ARHGAP10: variants seen among roughly 807,000 people sequenced by gnomAD.
ARHGAP10 encodes rho GTPase-activating protein 10.
In ARHGAP10, 87 loss-of-function variants were observed where a neutral mutation model predicts 108.6. The ratio of observed to expected loss-of-function variants is 0.80; its 90% CI spans 0.67 to 0.96. The LOEUF (loss-of-function observed/expected upper bound fraction) is 0.96, where lower values mean the gene tolerates loss of function less well. ARHGAP10 is among the 40% of genes least tolerant of loss of function. The pLI, the probability that ARHGAP10 is intolerant of heterozygous loss-of-function variation, is 0.00. For missense variants in ARHGAP10, 939 were observed against 954.5 expected, an observed-to-expected ratio of 0.98 and a Z score of 0.21; for synonymous variants, 347 against 341.1, an observed-to-expected ratio of 1.02 and a Z score of -0.19.
At chr4:147,820,398 G>A (rs1732435773) in intron 1 of ARHGAP10, among the ~76,000 whole-genome samples, 2 of 151,992 alleles carry the variant, frequency 1.3e-5, no homozygotes, top group Non-Finnish European at 2.9e-5. Context: ...CGATTCTCCT[G>A]CCTCAGCCTC....
chr4:148,059,340 T>G (rs911014448), intron 20 of ARHGAP10, among the ~76,000 whole-genome samples: 1 of 152,178 alleles, frequency 6.6e-6, no homozygotes. Context: ...AGGAAACTTG[T>G]GGCACTTAGG....
At chr4:147,782,551 C>T (rs1216405578) in intron 1 of ARHGAP10, 1 of 151,952 alleles carries the variant, frequency 6.6e-6, no homozygotes, top group Non-Finnish European at 1.5e-5. Flanking sequence ...GGTCAAATGA[C>T]CTGAAGGTGT....
chr4:147,873,599 G>T (rs780310149), intron 7 of ARHGAP10, among the ~76,000 whole-genome samples: 7 of 151,474 alleles, frequency 4.6e-5, no homozygotes, highest in Non-Finnish European at 8.8e-5. Flanking sequence ...GCTGAAGCGG[G>T]TAGATTGCTT....
chr4:148,029,093 T>A (rs1326266184), intron 19 of ARHGAP10, among the ~76,000 whole-genome samples: 1 of 152,214 alleles, frequency 6.6e-6, no homozygotes, highest in African/African-American at 2.4e-5. Context: ...AATGTCTTGG[T>A]ATAAATAGTG....
At chr4:148,019,480 G>C (rs1273470629) in intron 18 of ARHGAP10, among the ~76,000 whole-genome samples, 1 of 152,140 alleles carries the variant, frequency 6.6e-6, no homozygotes, top group African/African-American at 2.4e-5. Flanking sequence ...GCATGGGCAT[G>C]GTGGCTCACA....
At chr4:147,983,184 T>C (rs1297947370) in intron 18 of ARHGAP10, among the ~76,000 whole-genome samples, 5 of 94,632 alleles carry the variant, frequency 5.3e-5, no homozygotes, top group African/African-American at 1.6e-4. Context: ...GCCTGGCTGC[T>C]TTGTTTTTTT....
intron 18 of ARHGAP10, among the ~76,000 whole-genome samples, chr4:148,004,516 A>AT (rs1335155096): frequency 6.6e-6 from 1 of 152,158 alleles, no homozygotes; most frequent in Non-Finnish European, 1.5e-5. Flanking sequence ...ATTATATAAG[A>AT]TTGTCTTAGA....
In ARHGAP10 at chr4:147,873,459, T is replaced by G. The variant is rs545988196; in HGVS notation, c.703-1562T>G. On this transcript the variant is annotated intron_variant, in intron 7 of 22. Coordinates refer to ENST00000336498, the MANE Select transcript of ARHGAP10 (RefSeq NM_024605.4). ...ATACACACATGGGGGGAAATGAGGG[T>G]TGATGAGGGTTGGAAGGAATCTCAG... is the stretch of plus-strand genomic sequence containing the variant. Among the ~76,000 whole-genome samples, 8 of 150,364 alleles carry G rather than the reference T, an allele frequency of 5.3e-5. No individual in the cohort carries two copies. The East Asian group carries it at 1.6e-3, about 30-fold the overall frequency.
At chr4:147,835,923 C>T (rs947552242) in intron 3 of ARHGAP10, among the ~76,000 whole-genome samples, 12 of 152,168 alleles carry the variant, frequency 7.9e-5, no homozygotes, top group African/African-American at 2.9e-4. Context: ...GTCCCTTATG[C>T]ACAGAGGGAA....
At chr4:148,015,212 A>C (rs572830022) in intron 18 of ARHGAP10, among the ~76,000 whole-genome samples, 1 of 152,282 alleles carries the variant, frequency 6.6e-6, no homozygotes, top group South Asian at 2.1e-4. Flanking sequence ...AATTTCAGCT[A>C]TTCAGCAAAA....
At chr4:147,778,092 G>GTT in intron 1 of ARHGAP10, among the ~76,000 whole-genome samples, 1 of 152,082 alleles carries the variant, frequency 6.6e-6, no homozygotes, top group East Asian at 1.9e-4. Flanking sequence ...AACTACATGG[G>GTT]TTTGTGACAG....
At chr4:147,887,433 C>A in intron 10 of ARHGAP10, among the ~76,000 whole-genome samples, 1 of 47,106 alleles carries the variant, frequency 2.1e-5, no homozygotes, top group East Asian at 1.0e-3. Context: ...GCTCTTATTT[C>A]ATTCATCTTA....
At chr4:148,064,697 A>T (rs1578843556) in intron 22 of ARHGAP10, among the ~76,000 whole-genome samples, 190 bp downstream of exon 22, 1 of 119,572 alleles carries the variant, frequency 8.4e-6, no homozygotes, top group Non-Finnish European at 1.9e-5. Context: ...TGATGGCTGG[A>T]ATGCCACTAT....
At position 147,875,034 on chromosome 4, in the gene ARHGAP10, T is replaced by A. The variant is rs483352827; in HGVS notation, c.716T>A (p.Phe239Tyr). Reference protein sequence around the residue: ...QINIQNTRNRFEGTRSEVEEL... With the variant: ...QINIQNTRNRYEGTRSEVEEL... The stretch of plus-strand genomic sequence containing the variant: ...AATCCATTTCAGACACGGAATCGAT[T>A]TGAAGGAACAAGGTCAGAAGTGGAA... Residue 239 changes from phenylalanine to tyrosine, a missense_variant, in exon 8 of 23, where the codon TTT becomes TAT. Phe to Tyr is a conservative substitution (Grantham distance 22, BLOSUM62 3). Transcript: ENST00000336498. 1.5e-5 allele frequency: 24 copies of A among 1,589,906 alleles called. No individual in the cohort carries two copies. The East Asian group carries it at 5.2e-4, about 34-fold the overall frequency.
chr4:147,918,711 A>G (rs1017432906), intron 13 of ARHGAP10, among the ~76,000 whole-genome samples: 2 of 152,230 alleles, frequency 1.3e-5, no homozygotes, highest in African/African-American at 4.8e-5. Flanking sequence ...CAGTTGGGGA[A>G]ATTTAATTCA....
rs1728239870 is a variant in ARHGAP10 at position 147,732,225 on chromosome 4, G to A, written c.-77G>A. On this transcript the variant is annotated 5_prime_UTR_variant, in exon 1 of 23. Coordinates refer to ENST00000336498, the MANE Select transcript of ARHGAP10 (RefSeq NM_024605.4). ...CTGTGCTCCCTGAACGCGCGGCGCC[G>A]CACCTGGCAGCGGCCTCGGAGCTCG... 2 of 1,396,120 alleles carry A rather than the reference G, an allele frequency of 1.4e-6. No individual in the cohort carries two copies. The highest frequency in any genetic ancestry group is 7.1e-5 in the Admixed American group (2 of 27,988). The allele number at this position is 1,396,120 out of a possible 1,614,324, so 86.5% of individuals were successfully genotyped here.
intron 18 of ARHGAP10, among the ~76,000 whole-genome samples, chr4:147,999,152 G>A (rs1740594470): frequency 1.3e-5 from 2 of 152,186 alleles, no homozygotes; most frequent in South Asian, 4.1e-4. Flanking sequence ...TAAACACGGG[G>A]CTTGCAACTT....
intron 13 of ARHGAP10, among the ~76,000 whole-genome samples, chr4:147,936,643 TA>T (rs1226793467): frequency 3.3e-5 from 5 of 152,198 alleles, no homozygotes. Flanking sequence ...TCCTCTCTTA[TA>T]GTTGCTGAAT....
At chr4:147,830,611 T>G (rs1363322355) in intron 3 of ARHGAP10, among the ~76,000 whole-genome samples, 1 of 149,392 alleles carries the variant, frequency 6.7e-6, no homozygotes, top group Non-Finnish European at 1.5e-5. Context: ...CCTCTGCCTC[T>G]CATGTTCAAG....
Sources: allele counts gnomAD v4.1 joint callset (sites outside exome capture counted in the v4.1 genomes callset), GRCh38; gene constraint gnomAD v4.1.1; transcripts MANE v1.5; gene names NCBI Gene and HGNC (gene_info 2026-07-23, HGNC 2026-07-21).